Variants in ZHX3 observed in about 807,000 individuals in gnomAD.
ZHX3 encodes the protein zinc fingers and homeoboxes protein 3.
A neutral mutation model predicts 64.5 loss-of-function variants in ZHX3; 20 were observed. The ratio of observed to expected loss-of-function variants is 0.31; its 90% CI spans 0.22 to 0.45. ZHX3 has a LOEUF of 0.45. Among genes scored for constraint, ZHX3 ranks in the 20% least tolerant of loss-of-function variants. The probability of loss-of-function intolerance (pLI) is 1.00; values close to 1 mark genes in which losing one functional copy is unlikely to be tolerated. For synonymous variants in ZHX3, 423 were observed against 461.6 expected (o/e 0.92, Z 1.07); for missense variants, 1,041 against 1,195.8 (o/e 0.87, Z 1.91).
At position 41,203,589 on chromosome 20, in the gene ZHX3, A is replaced by G. The variant is rs559046945; in HGVS notation, c.1328T>C (p.Leu443Pro). The change falls in exon 3 of 4, where the codon CTC becomes CCC. Residue 443 changes from leucine (L) to proline (P), a missense_variant. Physicochemically the swap from Leu to Pro is moderately conservative, Grantham distance 98. Around this residue, in one of 4 missense-constraint regions of ZHX3, gnomAD observed 649 missense variants for 739.8 expected, o/e 0.88. Coordinates refer to ENST00000683867, the MANE Select transcript of ZHX3 (RefSeq NM_001384317.1). The surrounding 1 kb of genome is among the most constrained non-coding windows in gnomAD (Gnocchi z 7.1). ...ANGLQATSSP[L>P]PLTVTSVPKQ... is the part of the protein sequence containing the mutation. ...GGGGACGGATGTCACCGTGAGGGGGAGAGGGGAACTTGTTGCTTGCAACCC... is the reference window on the plus strand; with the variant it reads ...GGGGACGGATGTCACCGTGAGGGGGGGAGGGGAACTTGTTGCTTGCAACCC... The G allele has an allele frequency of 1.2e-6, 2 of 1,614,134 alleles. No homozygotes were observed. The highest frequency in any genetic ancestry group is 2.2e-5 in the South Asian group (2 of 91,076).
intron 2 of ZHX3, among the ~76,000 whole-genome samples, chr20:41,216,748 C>T (rs1012716978): frequency 1.1e-3 from 164 of 152,164 alleles, no homozygotes; most frequent in African/African-American, 3.8e-3. Context: ...AGTAAAATTG[C>T]AGTAGCATTT....
rs1307243707 is a variant in ZHX3 at position 41,180,638 on chromosome 20, A to T, written c.*4553T>A. The T allele has an allele frequency of 6.6e-6, 1 of 152,272 alleles. No homozygotes were observed. Among genetic ancestry groups the T allele is most frequent in the Non-Finnish European group, 1.5e-5 (1 of 68,090 alleles). 9.4% of individuals were successfully genotyped at this position (152,272 alleles called of 1,614,324 possible). A position where few individuals can be genotyped will look rare whatever the true frequency, so the allele number is the denominator to read the frequency against. On this transcript the variant is annotated 3_prime_UTR_variant, in exon 4 of 4. Transcript: ENST00000683867. ...GCCAGACGCTCTCTGTACTCCCATT[A>T]ACTTCACAACCAAGTGCAGACGCTC... is the stretch of plus-strand genomic sequence containing the variant.
chr20:41,209,233 A>T (rs1424074814), intron 2 of ZHX3, among the ~76,000 whole-genome samples: 1 of 152,220 alleles, frequency 6.6e-6, no homozygotes, highest in African/African-American at 2.4e-5. Flanking sequence ...ATGGATAGGA[A>T]GAATCAATAT....
intron 1 of ZHX3, among the ~76,000 whole-genome samples, chr20:41,293,830 G>A (rs969237355): frequency 6.6e-6 from 1 of 152,242 alleles, no homozygotes; most frequent in East Asian, 1.9e-4. Context: ...TTCTACAAAT[G>A]TGTTTTTGAG....
At chr20:41,266,333 A>G (rs2042844301) in intron 2 of ZHX3, among the ~76,000 whole-genome samples, 1 of 151,894 alleles carries the variant, frequency 6.6e-6, no homozygotes, top group African/African-American at 2.4e-5. Context: ...CATATAAGAA[A>G]ACTCTCAGTG....
chr20:41,178,948 C>G lies in ZHX3; in HGVS notation c.*6243G>C, dbSNP rs1042155716. 6.6e-6 allele frequency: 1 copy of G among 152,660 alleles called. No homozygotes were observed. The allele number at this position is 152,660 out of a possible 1,614,324, so 9.5% of individuals were successfully genotyped here. ...TCACCTTTTCAGCCATCTCTCCTGA[C>G]AGCAGACTGCTCAACAGTCACTCCC... On this transcript the variant is annotated 3_prime_UTR_variant, in exon 4 of 4. Transcript: ENST00000683867.
chr20:41,202,400 T>A lies in ZHX3; in HGVS notation c.2517A>T (p.Leu839=). The A allele has an allele frequency of 6.2e-7, 1 of 1,614,202 alleles. No homozygotes were observed. Among genetic ancestry groups the A allele is most frequent in the East Asian group, 2.2e-5 (1 of 44,884 alleles). The stretch of plus-strand genomic sequence containing the variant: ...CCCGGTTGCCAGGGGCAATGACCAG[T>A]AGCCCTGGTGGGAAGTTGCCTCGCT... ...DYKRGNFPPG[L]LVIAPGNREL... The change falls in exon 3 of 4, where the codon CTA becomes CTT. Residue 839 remains leucine (L), a synonymous_variant. Coordinates refer to ENST00000683867, the MANE Select transcript of ZHX3 (RefSeq NM_001384317.1). This position sits in a 1 kb window ranked among gnomAD's most constrained non-coding sequence, Gnocchi z 7.0.
At chr20:41,196,306 AATAT>A (rs1441601308) in intron 3 of ZHX3, among the ~76,000 whole-genome samples, 2 of 120,908 alleles carry the variant, frequency 1.7e-5, no homozygotes, top group African/African-American at 3.1e-5. Flanking sequence ...TATAAAAATA[AATAT>A]ATATTTATAA....
chr20:41,190,446 C>A (rs1036989958), intron 3 of ZHX3, among the ~76,000 whole-genome samples: 8 of 152,336 alleles, frequency 5.3e-5, no homozygotes, highest in Middle Eastern at 3.4e-3. Context: ...GCTGGAATTA[C>A]AGGCATGAGC....
Position 41,224,259 on chromosome 20 carries a change from C to G in ZHX3, c.-150-19193G>C, listed in dbSNP as rs1216829921. ...TACAAAGCCCCTTTCTTAGTTGGAC[C>G]TGGTTCCCAGCTTTTAGATTTGTCT... On this transcript the variant is annotated intron_variant, in intron 2 of 3. Transcript: ENST00000683867. This position sits in a 1 kb window ranked among gnomAD's most constrained non-coding sequence, Gnocchi z 5.2. Among the ~76,000 whole-genome samples the G allele has an allele frequency of 6.6e-6, 1 of 152,150 alleles. No homozygotes were observed. Among genetic ancestry groups the G allele is most frequent in the Non-Finnish European group, 1.5e-5 (1 of 68,030 alleles).
intron 2 of ZHX3, among the ~76,000 whole-genome samples, chr20:41,261,517 G>GGAAA (rs1321259872): frequency 6.6e-6 from 1 of 152,152 alleles, no homozygotes; most frequent in African/African-American, 2.4e-5. Context: ...TGCCCCTGAA[G>GGAAA]GAAAACACCT....
At chr20:41,251,144 G>A (rs1384991010) in intron 2 of ZHX3, among the ~76,000 whole-genome samples, 1 of 136,578 alleles carries the variant, frequency 7.3e-6, no homozygotes, top group Non-Finnish European at 1.5e-5. Context: ...CAACAGAAAA[G>A]GCAGAAATAT....
chr20:41,308,023 A>C (rs968121002), intron 1 of ZHX3, among the ~76,000 whole-genome samples: 3 of 152,200 alleles, frequency 2.0e-5, no homozygotes, highest in African/African-American at 7.2e-5. Context: ...CTTAAACATT[A>C]TAAAGAGCAC....
At chr20:41,238,748 C>A (rs2041177381) in intron 2 of ZHX3, 1 of 152,158 alleles carries the variant, frequency 6.6e-6, no homozygotes, top group South Asian at 2.1e-4. Flanking sequence ...CCTTCCAACA[C>A]CTGTTCCCCA....
intron 2 of ZHX3, among the ~76,000 whole-genome samples, chr20:41,262,235 G>A (rs905507845): frequency 6.6e-6 from 1 of 152,166 alleles, no homozygotes; most frequent in Non-Finnish European, 1.5e-5. Context: ...ATGACAGCAA[G>A]AATTATCTTC....
chr20:41,250,329 G>A (rs2041929299), intron 2 of ZHX3, among the ~76,000 whole-genome samples: 1 of 152,208 alleles, frequency 6.6e-6, no homozygotes, highest in South Asian at 2.1e-4. Flanking sequence ...CTGCTAAAAT[G>A]GAAGATTTAA....
chr20:41,188,856 T>G (rs183952249), intron 3 of ZHX3, among the ~76,000 whole-genome samples: 1 of 152,368 alleles, frequency 6.6e-6, no homozygotes, highest in Non-Finnish European at 1.5e-5. Context: ...ATTTTTAATA[T>G]AGTTCCCTTT....
At chr20:41,294,534 T>C (rs995432361) in intron 1 of ZHX3, among the ~76,000 whole-genome samples, 2 of 152,108 alleles carry the variant, frequency 1.3e-5, no homozygotes, top group South Asian at 2.1e-4. Flanking sequence ...GGGTAATTTT[T>C]GTATTTTTAG....
intron 1 of ZHX3, among the ~76,000 whole-genome samples, chr20:41,297,679 T>C (rs376754899): frequency 5.3e-5 from 8 of 152,126 alleles, no homozygotes; most frequent in African/African-American, 1.9e-4. Context: ...CCAGAGCAAG[T>C]GAGGAAATGG....
Sources: gnomAD v4.1 joint callset for allele counts (sites outside exome capture counted in the v4.1 genomes callset) on GRCh38, gnomAD v4.1.1 for gene constraint, gnomAD v4.1.1 regional missense constraint, Gnocchi (gnomAD v3.1) non-coding constraint, MANE v1.5 for transcripts, NCBI Gene and HGNC (gene_info 2026-07-23, HGNC 2026-07-21) for gene names.